CTNNB1: variants seen among roughly 807,000 people sequenced by gnomAD.
CTNNB1 encodes catenin beta 1.
A neutral mutation model predicts 82.5 loss-of-function variants in CTNNB1; 6 were observed. The observed-to-expected ratio is 0.07, with a 90% CI of 0.04 to 0.14. CTNNB1 has a LOEUF of 0.14. CTNNB1 is among the 10% of genes least tolerant of loss of function. The probability of loss-of-function intolerance (pLI) is 1.00; values close to 1 mark genes in which losing one functional copy is unlikely to be tolerated. For missense variants in CTNNB1, 529 were observed against 980.4 expected, an observed-to-expected ratio of 0.54 and a Z score of 6.15; for synonymous variants, 312 against 329.7, an observed-to-expected ratio of 0.95 and a Z score of 0.58.
chr3:41,220,206 TC>T (rs2078011954), intron 1 of CTNNB1, among the ~76,000 whole-genome samples: 1 of 152,128 alleles, frequency 6.6e-6, no homozygotes, highest in Non-Finnish European at 1.5e-5. Flanking sequence ...CTTTTTTTTT[TC>T]CATTTACCTT....
In CTNNB1 at chr3:41,238,029, G is replaced by C; in HGVS notation, c.2090G>C (p.Gly697Ala). The change falls in exon 14 of 15, where the codon GGA becomes GCA. Residue 697 changes from glycine (G) to alanine (A), a missense_variant. Physicochemically the swap from Gly to Ala is moderately conservative, Grantham distance 60. Coordinates refer to ENST00000349496, the MANE Select transcript of CTNNB1 (RefSeq NM_001904.4). The part of the protein sequence containing the change: ...PMAWNETADL[G>A]LDIGAQGEPL... ...ATGTTTATCTAGACTGCTGATCTTG[G>C]ACTTGATATTGGTGCCCAGGGAGAA... is the stretch of plus-strand genomic sequence containing the variant. 6.2e-7 allele frequency: 1 copy of C among 1,613,850 alleles called. No homozygotes were observed. The highest frequency in any genetic ancestry group is 1.1e-5 in the South Asian group (1 of 91,060).
At chr3:41,232,191 G>A (rs1347121263) in intron 7 of CTNNB1, among the ~76,000 whole-genome samples, 1 of 152,068 alleles carries the variant, frequency 6.6e-6, no homozygotes, top group Non-Finnish European at 1.5e-5. Flanking sequence ...TAAAGTCTCT[G>A]TAGGCCATTC....
intron 1 of CTNNB1, among the ~76,000 whole-genome samples, chr3:41,209,532 A>G (rs1164090789): frequency 6.6e-6 from 1 of 152,206 alleles, no homozygotes; most frequent in African/African-American, 2.4e-5. Context: ...TTCAGAATAA[A>G]GTCACGTGTC....
At chr3:41,234,069 G>A in intron 9 of CTNNB1, 70 bp from the exon 10 acceptor site, 2 of 1,592,086 alleles carry the variant, frequency 1.3e-6, no homozygotes, top group Non-Finnish European at 1.7e-6. Context: ...TAGATTTAGT[G>A]TGGTGGGAAT....
At chr3:41,234,612 T>A in intron 10 of CTNNB1, 2 of 382,010 alleles carry the variant, frequency 5.2e-6, no homozygotes, top group East Asian at 1.2e-4. Context: ...AGTCATAATT[T>A]GAGATCAAAT....
chr3:41,236,808 T>G (rs924283060), intron 13 of CTNNB1, 99 bp downstream of exon 13: 3 of 1,500,260 alleles, frequency 2.0e-6, no homozygotes, highest in Non-Finnish European at 2.8e-6. Context: ...TTCATTTGCA[T>G]TGATGTTTCC....
At chr3:41,237,697 CTTTTTTTTT>C (rs548643863) in intron 13 of CTNNB1, 1 of 139,402 alleles carries the variant, frequency 7.2e-6, no homozygotes, top group Admixed American at 7.8e-5. Flanking sequence ...GGCATTTTGC[CTTTTTTTTT>C]TTTTTTTTTT....
chr3:41,201,295 T>C (rs925460763), intron 1 of CTNNB1, among the ~76,000 whole-genome samples: 2 of 152,222 alleles, frequency 1.3e-5, no homozygotes, highest in African/African-American at 4.8e-5. Context: ...TCGTTTGAAC[T>C]AAGGCTGTGC....
chr3:41,238,343 C>G (rs147082949), intron 14 of CTNNB1: 6 of 438,622 alleles, frequency 1.4e-5, no homozygotes, highest in Middle Eastern at 6.2e-4. Flanking sequence ...TTACAATTTA[C>G]CTGGCTTTTT....
chr3:41,232,420 T>TAA (rs148435177), intron 7 of CTNNB1, among the ~76,000 whole-genome samples: 1 of 151,990 alleles, frequency 6.6e-6, no homozygotes, highest in East Asian at 1.9e-4. Flanking sequence ...TGGAGTAACT[T>TAA]ACACTATGAA....
intron 1 of CTNNB1, among the ~76,000 whole-genome samples, chr3:41,205,322 C>T (rs1311960271): frequency 6.6e-6 from 1 of 152,170 alleles, no homozygotes; most frequent in Non-Finnish European, 1.5e-5. Context: ...AAATTAATGG[C>T]AAATGGCTTT....
chr3:41,209,593 G>T (rs1231117067), intron 1 of CTNNB1, among the ~76,000 whole-genome samples: 1 of 152,168 alleles, frequency 6.6e-6, no homozygotes, highest in African/African-American at 2.4e-5. Context: ...GATAATCATG[G>T]TTGTGTGAAC....
At chr3:41,200,916 AAGACT>A (rs1396140243) in intron 1 of CTNNB1, among the ~76,000 whole-genome samples, 1 of 152,214 alleles carries the variant, frequency 6.6e-6, no homozygotes, top group Admixed American at 6.5e-5. Flanking sequence ...TGAATGAAGA[AAGACT>A]AGGCTGCTGG....
At position 41,225,728 on chromosome 3, in the gene CTNNB1, G is replaced by A. The variant is rs2125624230; in HGVS notation, c.803G>A (p.Gly268Glu). The A allele has an allele frequency of 6.2e-7, 1 of 1,614,132 alleles. No homozygotes were observed. Among genetic ancestry groups the A allele is most frequent in the Admixed American group, 1.7e-5 (1 of 60,002 alleles). The change falls in exon 6 of 15, where the codon GGA (glycine) becomes GAA (glutamate). Residue 268 changes from glycine (G) to glutamate (E), a missense_variant. Physicochemically the swap from Gly to Glu is moderately conservative, Grantham distance 98. This residue lies in a region of CTNNB1 where 411 missense variants were observed against 776.4 expected (regional missense o/e 0.53). Coordinates refer to ENST00000349496, the MANE Select transcript of CTNNB1 (RefSeq NM_001904.4). The surrounding 1 kb of genome is among the most constrained non-coding windows in gnomAD (Gnocchi z 5.3). ...TLHNLLLHQE[G>E]AKMAVRLAGG... Reference sequence around the variant, plus strand: ...CACAACCTTTTATTACATCAAGAAGGAGCTAAAATGGCAGTGCGTTTAGCT... The same window carrying A: ...CACAACCTTTTATTACATCAAGAAGAAGCTAAAATGGCAGTGCGTTTAGCT...
Position 41,225,220 on chromosome 3 carries a change from A to ATAG in CTNNB1, c.495+14_495+16dup. The ATAG allele has an allele frequency of 6.2e-7, 1 of 1,614,092 alleles. No homozygotes were observed. Among genetic ancestry groups the ATAG allele is most frequent in the Non-Finnish European group, 8.5e-7 (1 of 1,179,982 alleles). ...TGACGAGGACCAGGTAAGCAATGAC[A>ATAG]TAGCTAGCTTTTTAGTCTGCTTTGA... On this transcript the variant is annotated intron_variant, in intron 4 of 14. Coordinates refer to ENST00000349496, the MANE Select transcript of CTNNB1 (RefSeq NM_001904.4). This position sits in a 1 kb window ranked among gnomAD's most constrained non-coding sequence, Gnocchi z 5.3.
intron 1 of CTNNB1, chr3:41,210,969 T>A (rs995813447): frequency 2.9e-5 from 13 of 451,174 alleles, no homozygotes; most frequent in South Asian, 4.7e-5. Flanking sequence ...TAAAAAAAAT[T>A]TTTTGTAGAG....
At position 41,239,595 on chromosome 3, in the gene CTNNB1, T is replaced by TAATA. The variant is rs1575340580; in HGVS notation, c.*254_*257dup. The stretch of plus-strand genomic sequence containing the variant: ...GTTTTTTGCCACAGCTTTTGCAACT[T>TAATA]AATACTCAAATGAGTAACATTTGCT... On this transcript the variant is annotated 3_prime_UTR_variant, in exon 15 of 15. Transcript: ENST00000349496. 4 of 539,380 alleles carry TAATA rather than the reference T, an allele frequency of 7.4e-6. No individual in the cohort carries two copies. The highest frequency in any genetic ancestry group is 3.2e-5 in the East Asian group (1 of 31,426). 33.4% of individuals were successfully genotyped at this position (539,380 alleles called of 1,614,324 possible). A position where few individuals can be genotyped will look rare whatever the true frequency, so the allele number is the denominator to read the frequency against.
chr3:41,240,053 G>A lies in CTNNB1; in HGVS notation c.*711G>A, dbSNP rs887123899. On this transcript the variant is annotated 3_prime_UTR_variant, in exon 15 of 15. Coordinates refer to ENST00000349496, the MANE Select transcript of CTNNB1 (RefSeq NM_001904.4). The stretch of plus-strand genomic sequence containing the variant: ...AAGTCTCTCGTAGTGTTAAGTTATA[G>A]TGAATACTGCTACAGCAATTTCTAA... The A allele has an allele frequency of 7.9e-6, 1 of 127,048 alleles. No homozygotes were observed. Among genetic ancestry groups the A allele is most frequent in the Non-Finnish European group, 1.5e-5 (1 of 67,624 alleles). 7.9% of individuals were successfully genotyped at this position (127,048 alleles called of 1,614,324 possible). A position where few individuals can be genotyped will look rare whatever the true frequency, so the allele number is the denominator to read the frequency against.
chr3:41,231,686 G>C (rs2125635153), intron 7 of CTNNB1, among the ~76,000 whole-genome samples: 1 of 152,270 alleles, frequency 6.6e-6, no homozygotes, highest in South Asian at 2.1e-4. Flanking sequence ...ACAGTGGTGT[G>C]TTTAAAATAT....
Sources: gnomAD v4.1 joint callset for allele counts (sites outside exome capture counted in the v4.1 genomes callset) on GRCh38, gnomAD v4.1.1 for gene constraint, gnomAD v4.1.1 regional missense constraint, Gnocchi (gnomAD v3.1) non-coding constraint, MANE v1.5 for transcripts, NCBI Gene and HGNC (gene_info 2026-07-23, HGNC 2026-07-21) for gene names.